The following E2F3 variants were observed in gnomAD, a reference collection of about 807,000 sequenced individuals.
E2F3 encodes the protein E2F transcription factor 3, also known as transcription factor E2F3.
In E2F3, 11 loss-of-function variants were observed where a neutral mutation model predicts 44.4. The ratio of observed to expected loss-of-function variants is 0.25; its 90% CI spans 0.16 to 0.41. The LOEUF is 0.41. E2F3 is among the 10% of genes least tolerant of loss of function. The probability of loss-of-function intolerance (pLI) is 1.00; values close to 1 mark genes in which losing one functional copy is unlikely to be tolerated. For synonymous variants in E2F3, 249 were observed against 253.0 expected, an observed-to-expected ratio of 0.98 and a Z score of 0.15; for missense variants, 487 against 583.6, an observed-to-expected ratio of 0.83 and a Z score of 1.70.
At chr6:20,419,470 T>A (rs538606499) in intron 1 of E2F3, among the ~76,000 whole-genome samples, 1 of 152,334 alleles carries the variant, frequency 6.6e-6, no homozygotes, top group East Asian at 1.9e-4. Flanking sequence ...TCATACTTTT[T>A]CCAACACTAG....
chr6:20,452,439 T>C (rs1761161823), intron 1 of E2F3: 1 of 152,160 alleles, frequency 6.6e-6, no homozygotes, highest in South Asian at 2.1e-4. Flanking sequence ...TCTGTATTTT[T>C]CCAATTTTCA....
Position 20,402,301 on chromosome 6 carries a change from TGTC to T in E2F3, c.74_76del (p.Val25del). On this transcript the variant is annotated inframe_deletion, in exon 1 of 7. Coordinates refer to ENST00000346618, the MANE Select transcript of E2F3 (RefSeq NM_001949.5). The surrounding 1 kb of genome is among the most constrained non-coding windows in gnomAD (Gnocchi z 5.6). ...CCGCCGGGGGTGGGGAGGGGGCGGC[TGTC>T]GTCGCCGCCGCCGCTGCAGCCTCCA... 6.2e-7 allele frequency: 1 copy of T among 1,607,476 alleles called. No individual in the cohort carries two copies. Among genetic ancestry groups the T allele is most frequent in the African/African-American group, 1.3e-5 (1 of 74,352 alleles).
chr6:20,467,950 C>G (rs778664814), intron 1 of E2F3, among the ~76,000 whole-genome samples: 1 of 151,636 alleles, frequency 6.6e-6, no homozygotes, highest in Non-Finnish European at 1.5e-5. Context: ...TTCTCACCCC[C>G]CAACCCCTTT....
At chr6:20,453,157 C>T (rs903763545) in intron 1 of E2F3, among the ~76,000 whole-genome samples, 1 of 151,914 alleles carries the variant, frequency 6.6e-6, no homozygotes. Flanking sequence ...TCAAATTTTT[C>T]TTGGTTTATC....
intron 1 of E2F3, among the ~76,000 whole-genome samples, chr6:20,444,038 C>T (rs1760858291): frequency 6.6e-6 from 1 of 151,926 alleles, no homozygotes; most frequent in South Asian, 2.1e-4. Context: ...ATAGTGAAAC[C>T]AGGTCTCTAC....
intron 1 of E2F3, among the ~76,000 whole-genome samples, chr6:20,464,726 T>A (rs1761644895): frequency 1.3e-5 from 2 of 152,232 alleles, no homozygotes; most frequent in Non-Finnish European, 2.9e-5. Flanking sequence ...CCCACTCAGA[T>A]GTAATGTCCA....
At chr6:20,461,240 T>C (rs1159070357) in intron 1 of E2F3, among the ~76,000 whole-genome samples, 1 of 152,084 alleles carries the variant, frequency 6.6e-6, no homozygotes, top group Non-Finnish European at 1.5e-5. Context: ...ACTCCTGTAA[T>C]CCCAGCACTT....
intron 1 of E2F3, among the ~76,000 whole-genome samples, chr6:20,464,589 G>C (rs1479546844): frequency 1.3e-5 from 2 of 152,192 alleles, no homozygotes; most frequent in South Asian, 2.1e-4. Context: ...CCAGCAGTCA[G>C]CTTCTGCTCT....
chr6:20,403,654 C>T (rs1451675489), intron 1 of E2F3: 2 of 531,506 alleles, frequency 3.8e-6, no homozygotes, highest in African/African-American at 2.0e-5. Flanking sequence ...GGGACGGTCC[C>T]GGCGCCCTCG....
chr6:20,459,802 T>C (rs1475274274), intron 1 of E2F3, among the ~76,000 whole-genome samples: 1 of 151,958 alleles, frequency 6.6e-6, no homozygotes, highest in Non-Finnish European at 1.5e-5. Flanking sequence ...ATTAGCCAGG[T>C]GTGGTGGCGT....
intron 1 of E2F3, among the ~76,000 whole-genome samples, chr6:20,475,306 A>G (rs1163387069): frequency 6.6e-6 from 1 of 152,260 alleles, no homozygotes; most frequent in African/African-American, 2.4e-5. Flanking sequence ...ACTTAGCAGC[A>G]GACATGGAAA....
intron 1 of E2F3, among the ~76,000 whole-genome samples, chr6:20,428,354 G>C (rs112716526): frequency 0.18 from 26,619 of 152,064 alleles, 2,935 homozygotes; most frequent in South Asian, 0.32. Context: ...CTCCCAAGTA[G>C]TGGGATTATA....
chr6:20,441,715 C>T (rs1448358793), intron 1 of E2F3, among the ~76,000 whole-genome samples: 3 of 145,512 alleles, frequency 2.1e-5, no homozygotes, highest in Non-Finnish European at 4.5e-5. Context: ...GCTGAGATCA[C>T]GCGTGGGTAA....
intron 1 of E2F3, among the ~76,000 whole-genome samples, chr6:20,435,676 G>T (rs1403229313): frequency 6.6e-6 from 1 of 152,198 alleles, no homozygotes; most frequent in Non-Finnish European, 1.5e-5. Flanking sequence ...GCTTGAATTC[G>T]GGAGGTGGAG....
intron 1 of E2F3, among the ~76,000 whole-genome samples, chr6:20,407,142 G>A (rs1379935962): frequency 6.6e-6 from 1 of 152,128 alleles, no homozygotes; most frequent in African/African-American, 2.4e-5. Flanking sequence ...AAAAGTGCCG[G>A]GTTCCTGTGG....
rs1759357094 is a variant in E2F3 at position 20,402,928 on chromosome 6, C to T, written c.393+303C>T. Among the ~76,000 whole-genome samples the T allele has an allele frequency of 6.6e-6, 1 of 152,180 alleles. No homozygotes were observed. The highest frequency in any genetic ancestry group is 2.4e-5 in the African/African-American group (1 of 41,446). On this transcript the variant is annotated intron_variant, in intron 1 of 6. Coordinates refer to ENST00000346618, the MANE Select transcript of E2F3 (RefSeq NM_001949.5). The surrounding 1 kb of genome is among the most constrained non-coding windows in gnomAD (Gnocchi z 5.6). ...TCCTGCACTTTTCCCTACCCCCACT[C>T]TCCCTTCCCCTCCAACTCGAAGCTT...
intron 1 of E2F3, among the ~76,000 whole-genome samples, chr6:20,461,014 A>G (rs1761487373): frequency 6.7e-6 from 1 of 150,128 alleles, no homozygotes; most frequent in African/African-American, 2.5e-5. Context: ...AAAAAAAAAA[A>G]AAAAAAAAAA....
chr6:20,456,823 A>G (rs1761322169), intron 1 of E2F3, among the ~76,000 whole-genome samples: 1 of 152,214 alleles, frequency 6.6e-6, no homozygotes, highest in Admixed American at 6.5e-5. Flanking sequence ...TAACCAGATA[A>G]TTACTTTGCA....
At chr6:20,403,754 C>A in intron 1 of E2F3, 9 of 1,487,104 alleles carry the variant, frequency 6.1e-6, no homozygotes, top group Non-Finnish European at 8.0e-6. Flanking sequence ...TCTGTTCGGC[C>A]CTCCGGGCCC....
Sources: gnomAD v4.1 joint callset for allele counts (sites outside exome capture counted in the v4.1 genomes callset) on GRCh38, gnomAD v4.1.1 for gene constraint, Gnocchi (gnomAD v3.1) non-coding constraint, MANE v1.5 for transcripts, NCBI Gene and HGNC (gene_info 2026-07-23, HGNC 2026-07-21) for gene names.